DOCK1: variants seen among roughly 807,000 people sequenced by gnomAD.
DOCK1 encodes dedicator of cytokinesis protein 1.
DOCK1 carries 138 observed loss-of-function variants against 262.7 expected under a neutral mutation model. The observed-to-expected ratio is 0.53, with a 90% CI of 0.46 to 0.61. The LOEUF (loss-of-function observed/expected upper bound fraction) is 0.61, where lower values mean the gene tolerates loss of function less well. DOCK1 is among the 20% of genes least tolerant of loss of function. The pLI is 0.00. For missense variants in DOCK1, 1,908 were observed against 2,370.7 expected, an observed-to-expected ratio of 0.80 and a Z score of 4.05; for synonymous variants, 866 against 867.4, an observed-to-expected ratio of 1.00 and a Z score of 0.03.
chr10:127,309,146 C>T (rs1221308421), intron 29 of DOCK1, among the ~76,000 whole-genome samples: 1 of 152,016 alleles, frequency 6.6e-6, no homozygotes, highest in African/African-American at 2.4e-5. Context: ...GCGTGAGATG[C>T]TGTCTCGTTG....
chr10:127,019,679 G>A (rs2042274340), intron 13 of DOCK1, among the ~76,000 whole-genome samples: 1 of 152,192 alleles, frequency 6.6e-6, no homozygotes, highest in African/African-American at 2.4e-5. Context: ...AACCTGGGAG[G>A]CAGAGGTTGC....
intron 1 of DOCK1, among the ~76,000 whole-genome samples, chr10:126,956,911 C>T (rs1440304853): frequency 6.6e-6 from 1 of 152,142 alleles, no homozygotes; most frequent in Non-Finnish European, 1.5e-5. Flanking sequence ...TGAAAATGGG[C>T]ATTCTCTCTA....
intron 25 of DOCK1, among the ~76,000 whole-genome samples, chr10:127,117,612 C>A (rs2049273618): frequency 6.6e-6 from 1 of 152,108 alleles, no homozygotes; most frequent in Non-Finnish European, 1.5e-5. Context: ...GTGGTGCCAA[C>A]AGTTTATGGT....
chr10:127,275,939 C>T (rs373733294), intron 29 of DOCK1, among the ~76,000 whole-genome samples: 3 of 152,364 alleles, frequency 2.0e-5, no homozygotes, highest in Admixed American at 6.5e-5. Context: ...CTAATGCCCA[C>T]GCATGGCGTA....
intron 12 of DOCK1, among the ~76,000 whole-genome samples, chr10:127,017,075 A>AAC (rs138759607): frequency 0.32 from 33,806 of 104,192 alleles, 8,836 homozygotes; most frequent in African/African-American, 0.39. Context: ...AGACACCATA[A>AAC]ACACAGATAC....
At chr10:126,975,205 C>T (rs1044646566) in intron 2 of DOCK1, among the ~76,000 whole-genome samples, 8 of 152,116 alleles carry the variant, frequency 5.3e-5, no homozygotes, top group African/African-American at 1.2e-4. Flanking sequence ...CTAACTGCAT[C>T]GTGTGCACAT....
chr10:127,381,619 G>C (rs2065829170), intron 37 of DOCK1, among the ~76,000 whole-genome samples: 2 of 152,168 alleles, frequency 1.3e-5, no homozygotes, highest in Admixed American at 1.3e-4. Context: ...CCCATCACTT[G>C]GCTGTGAGCT....
chr10:127,313,366 G>T lies in DOCK1; in HGVS notation c.3045-25640G>T, dbSNP rs1488309205. On this transcript the variant is annotated intron_variant, in intron 29 of 51. Transcript: ENST00000623213. The stretch of plus-strand genomic sequence containing the variant: ...CATGCAATGACGGAATGGAAGAGTG[G>T]GTAAATGGACAATAGATATCACTGC... 3.3e-5 allele frequency among the ~76,000 whole-genome samples: 5 copies of T among 152,102 alleles called. No homozygotes were observed. In the East Asian group the frequency reaches 9.6e-4, roughly 29 times the overall value.
intron 31 of DOCK1, among the ~76,000 whole-genome samples, chr10:127,350,712 A>T (rs552486371): frequency 6.6e-6 from 1 of 152,176 alleles, no homozygotes; most frequent in Admixed American, 6.5e-5. Context: ...TCTCCATATC[A>T]TAGTAATATT....
chr10:127,020,940 C>T (rs943630076), intron 13 of DOCK1, among the ~76,000 whole-genome samples: 6 of 152,188 alleles, frequency 3.9e-5, no homozygotes, highest in Non-Finnish European at 5.9e-5. Flanking sequence ...GCTCGTTGGA[C>T]TCCTGGAATC....
In DOCK1 at chr10:127,176,535, G is replaced by A. The variant is rs1158442831; in HGVS notation, c.2847+48771G>A. 1.4e-6 allele frequency: 1 copy of A among 713,502 alleles called. No individual in the cohort carries two copies. The highest frequency in any genetic ancestry group is 2.3e-6 in the Non-Finnish European group (1 of 439,248). The allele number at this position is 713,502 out of a possible 1,614,324, so 44.2% of individuals were successfully genotyped here. A position where few individuals can be genotyped will look rare whatever the true frequency, so the allele number is the denominator to read the frequency against. ...TTAAGCAGGTGAGGTCGGCCTTTATGTTAAGGAAAATCACACGGGCTGAGA... is the reference window on the plus strand; with the variant it reads ...TTAAGCAGGTGAGGTCGGCCTTTATATTAAGGAAAATCACACGGGCTGAGA... On this transcript the variant is annotated intron_variant, in intron 27 of 51. Coordinates refer to ENST00000623213, the MANE Select transcript of DOCK1 (RefSeq NM_001290223.2). This position sits in a 1 kb window ranked among gnomAD's most constrained non-coding sequence, Gnocchi z 4.4.
chr10:127,238,327 A>G (rs1421707223), intron 27 of DOCK1, among the ~76,000 whole-genome samples: 2 of 152,170 alleles, frequency 1.3e-5, no homozygotes, highest in South Asian at 2.1e-4. Context: ...CTAAAGGCCC[A>G]TACTATAATT....
intron 13 of DOCK1, among the ~76,000 whole-genome samples, chr10:127,021,864 G>A (rs1370271100): frequency 6.6e-6 from 1 of 152,086 alleles, no homozygotes; most frequent in Non-Finnish European, 1.5e-5. Flanking sequence ...AAAGCAAGGA[G>A]CAAAGAGAGT....
intron 29 of DOCK1, among the ~76,000 whole-genome samples, chr10:127,319,489 C>T (rs1214219254): frequency 6.6e-6 from 1 of 152,188 alleles, no homozygotes; most frequent in East Asian, 1.9e-4. Context: ...AATCACTTAG[C>T]ATTAAGAAGG....
intron 21 of DOCK1, among the ~76,000 whole-genome samples, chr10:127,052,269 G>A (rs2044775534): frequency 6.6e-6 from 1 of 152,188 alleles, no homozygotes; most frequent in African/African-American, 2.4e-5. Context: ...TTACGCCTAT[G>A]ATCCTAACAC....
intron 23 of DOCK1, among the ~76,000 whole-genome samples, chr10:127,098,260 T>C (rs1351459499): frequency 6.6e-6 from 1 of 152,214 alleles, no homozygotes; most frequent in Non-Finnish European, 1.5e-5. Context: ...TGTCCTCAAT[T>C]TCTATCACCC....
chr10:127,020,770 A>G (rs7085109), intron 13 of DOCK1, among the ~76,000 whole-genome samples: 37,760 of 151,838 alleles, frequency 0.25, 4,703 homozygotes, highest in South Asian at 0.33. Flanking sequence ...GGCACCAGAG[A>G]GAGAGAGAGT....
intron 27 of DOCK1, among the ~76,000 whole-genome samples, chr10:127,188,665 G>A (rs1490105001): frequency 1.3e-5 from 2 of 152,170 alleles, no homozygotes; most frequent in Non-Finnish European, 2.9e-5. Flanking sequence ...TTGGATTTGA[G>A]TTCTGGCCCT....
At chr10:127,113,307 T>C (rs1278885876) in intron 25 of DOCK1, among the ~76,000 whole-genome samples, 1 of 152,188 alleles carries the variant, frequency 6.6e-6, no homozygotes, top group Non-Finnish European at 1.5e-5. Context: ...CTCTGGAGGA[T>C]GTGTTCAGAA....
Sources: gnomAD v4.1 joint callset for allele counts (sites outside exome capture counted in the v4.1 genomes callset) on GRCh38, gnomAD v4.1.1 for gene constraint, Gnocchi (gnomAD v3.1) non-coding constraint, MANE v1.5 for transcripts, NCBI Gene and HGNC (gene_info 2026-07-23, HGNC 2026-07-21) for gene names.